C10orf67: variants seen among roughly 807,000 people sequenced by gnomAD.
C10orf67 encodes uncharacterized protein C10orf67, mitochondrial.
Under a neutral mutation model 35.6 loss-of-function variants are expected in C10orf67, and 60 were observed. That is an observed-to-expected ratio of 1.68 (90% CI 1.37 to 2.09). The LOEUF (loss-of-function observed/expected upper bound fraction) is 2.09, where lower values mean the gene tolerates loss of function less well. Ranked by LOEUF, C10orf67 falls within the 30% of genes most tolerant of loss-of-function variation. The probability of loss-of-function intolerance (pLI) is 0.00; values close to 1 mark genes in which losing one functional copy is unlikely to be tolerated. For missense variants in C10orf67, 474 were observed against 330.2 expected (o/e 1.44, Z -3.38); for synonymous variants, 167 against 115.8 (o/e 1.44, Z -2.84).
At chr10:23,331,194 G>A (rs1251573081) in intron 2 of C10orf67, among the ~76,000 whole-genome samples, 252 of 32,096 alleles carry the variant, frequency 7.9e-3, no homozygotes, top group East Asian at 0.047. Flanking sequence ...GGAAGGGAAG[G>A]GAAGGGAAGG....
intron 15 of C10orf67, among the ~76,000 whole-genome samples, chr10:23,204,835 G>A (rs767428395): frequency 1.2e-4 from 18 of 152,168 alleles, no homozygotes; most frequent in South Asian, 4.1e-4. Flanking sequence ...TACCTGGTGC[G>A]TAAATTGTGA....
chr10:23,275,091 G>C (rs1290924495), intron 8 of C10orf67, among the ~76,000 whole-genome samples: 1 of 152,058 alleles, frequency 6.6e-6, no homozygotes, highest in East Asian at 1.9e-4. Flanking sequence ...TAATTGTAGG[G>C]GAGAGAATTC....
Position 23,344,680 on chromosome 10 carries a change from C to G in C10orf67, c.95G>C (p.Gly32Ala), listed in dbSNP as rs1846072258. 2 of 1,578,416 alleles carry G rather than the reference C, an allele frequency of 1.3e-6. No individual in the cohort carries two copies. The highest frequency in any genetic ancestry group is 1.7e-6 in the Non-Finnish European group (2 of 1,162,530). ...CFSSSLRGTF[G>A]TRWEAMKAKA... ...GGCTTTCATGGCCTCCCAGCGTGTG[C>G]CAAAGGTCCCCCTCAAGGAGGAGGA... The change falls in exon 1 of 16, where the codon GGC becomes GCC. Residue 32 changes from glycine (G) to alanine (A), a missense_variant. Physicochemically the swap from Gly to Ala is moderately conservative, Grantham distance 60 (BLOSUM62 0). Transcript: ENST00000636213.
intron 2 of C10orf67, among the ~76,000 whole-genome samples, chr10:23,329,905 T>C (rs1447867315): frequency 6.9e-5 from 10 of 145,360 alleles, no homozygotes; most frequent in Admixed American, 4.8e-4. Flanking sequence ...AATGCAGAAA[T>C]GCAAAAGGAA....
chr10:23,253,741 A>G (rs1842526623), intron 10 of C10orf67, among the ~76,000 whole-genome samples: 1 of 152,198 alleles, frequency 6.6e-6, no homozygotes, highest in African/African-American at 2.4e-5. Flanking sequence ...CAGCTTTCAT[A>G]TAATGATCAA....
chr10:23,292,256 C>T (rs1241003437), intron 5 of C10orf67, among the ~76,000 whole-genome samples: 1 of 131,834 alleles, frequency 7.6e-6, no homozygotes, highest in Non-Finnish European at 1.5e-5. Context: ...GATTTTATTG[C>T]CATGCATTAA....
chr10:23,292,197 G>C (rs548483506), intron 5 of C10orf67, among the ~76,000 whole-genome samples: 2 of 31,066 alleles, frequency 6.4e-5, no homozygotes, highest in East Asian at 2.9e-3. Flanking sequence ...CTTCTTGTCT[G>C]TTTCAAAGCT....
At chr10:23,303,277 T>C in intron 5 of C10orf67, 27 bp downstream of exon 5, 1 of 499,024 alleles carries the variant, frequency 2.0e-6, no homozygotes, top group Middle Eastern at 5.1e-4. Context: ...TATATTAAAA[T>C]TAATTATTCC....
chr10:23,219,390 A>G (rs1841516129), intron 15 of C10orf67, among the ~76,000 whole-genome samples: 1 of 152,226 alleles, frequency 6.6e-6, no homozygotes, highest in African/African-American at 2.4e-5. Context: ...TACAATGTCA[A>G]TAGCACCTAA....
intron 10 of C10orf67, among the ~76,000 whole-genome samples, chr10:23,262,985 G>A (rs1842791410): frequency 6.6e-6 from 1 of 152,104 alleles, no homozygotes; most frequent in Non-Finnish European, 1.5e-5. Context: ...AGTATGATAA[G>A]GAAAATTATT....
chr10:23,283,062 A>G (rs568114345), intron 7 of C10orf67, among the ~76,000 whole-genome samples: 13 of 152,316 alleles, frequency 8.5e-5, no homozygotes, highest in African/African-American at 3.1e-4. Context: ...CTAAAAGAGT[A>G]TAAATGGATT....
chr10:23,254,289 C>A (rs1027212345), intron 10 of C10orf67, among the ~76,000 whole-genome samples: 3 of 152,154 alleles, frequency 2.0e-5, no homozygotes, highest in Non-Finnish European at 4.4e-5. Flanking sequence ...CTCACTGCAA[C>A]CTCCGCCTCC....
chr10:23,322,473 T>G lies in C10orf67; in HGVS notation c.392A>C (p.Asp131Ala), dbSNP rs1564512459. ...ACTCAAAGATTCCTCTTTCAGTCGGTCCTCAAACTTCAACTGAAGCAATTG... is the reference window on the plus strand; with the variant it reads ...ACTCAAAGATTCCTCTTTCAGTCGGGCCTCAAACTTCAACTGAAGCAATTG... Reference protein sequence around the residue: ...LKQLLQLKFEDRLKEESLSLF... With the variant: ...LKQLLQLKFEARLKEESLSLF... Residue 131 changes from aspartate to alanine, a missense_variant, in exon 3 of 16, where the codon GAC becomes GCC. By Grantham distance (126) the Asp-to-Ala change is moderately radical. Coordinates refer to ENST00000636213, the MANE Select transcript of C10orf67 (RefSeq NM_001371909.1). The G allele has an allele frequency of 1.1e-5, 18 of 1,612,262 alleles. No homozygotes were observed. Among genetic ancestry groups the G allele is most frequent in the Non-Finnish European group, 1.5e-5 (18 of 1,178,444 alleles).
At chr10:23,331,177 G>GGGGAA (rs1228912469) in intron 2 of C10orf67, among the ~76,000 whole-genome samples, 6 of 84,426 alleles carry the variant, frequency 7.1e-5, no homozygotes, top group Non-Finnish European at 1.2e-4. Flanking sequence ...GAACCGGGAC[G>GGGGAA]GGGAAGGGAA....
chr10:23,231,026 C>T (rs1439139988), intron 13 of C10orf67, among the ~76,000 whole-genome samples: 1 of 152,016 alleles, frequency 6.6e-6, no homozygotes, highest in Non-Finnish European at 1.5e-5. Flanking sequence ...AGGGCAAAGG[C>T]ACAATCATGG....
intron 4 of C10orf67, among the ~76,000 whole-genome samples, chr10:23,304,232 T>C (rs1844191251): frequency 6.6e-6 from 1 of 152,178 alleles, no homozygotes; most frequent in African/African-American, 2.4e-5. Flanking sequence ...CAGCAGATCT[T>C]GAAACAGCCC....
chr10:23,274,601 G>C (rs1352451964), intron 8 of C10orf67, among the ~76,000 whole-genome samples: 1 of 152,048 alleles, frequency 6.6e-6, no homozygotes, highest in Non-Finnish European at 1.5e-5. Context: ...CAGACCTTAT[G>C]GTTATCTTTC....
chr10:23,288,583 T>G (rs1416809623), intron 7 of C10orf67, among the ~76,000 whole-genome samples: 1 of 152,034 alleles, frequency 6.6e-6, no homozygotes, highest in Non-Finnish European at 1.5e-5. Context: ...ATGTATCCCA[T>G]TTTTTTAGAA....
chr10:23,226,544 G>A (rs896339466), intron 13 of C10orf67, among the ~76,000 whole-genome samples: 10 of 152,134 alleles, frequency 6.6e-5, no homozygotes, highest in African/African-American at 2.4e-4. Context: ...AGAAACAAGA[G>A]CAAATACATT....
Sources: allele counts gnomAD v4.1 joint callset (sites outside exome capture counted in the v4.1 genomes callset), GRCh38; gene constraint gnomAD v4.1.1; transcripts MANE v1.5; gene names NCBI Gene and HGNC (gene_info 2026-07-23, HGNC 2026-07-21).